CTNNA2: variants seen among roughly 807,000 people sequenced by gnomAD.
CTNNA2 encodes the protein catenin alpha-2.
Under a neutral mutation model 101.0 loss-of-function variants are expected in CTNNA2, and 42 were observed. The ratio of observed to expected loss-of-function variants is 0.42; its 90% CI spans 0.32 to 0.54. CTNNA2 has a LOEUF of 0.54. Ranked by LOEUF, CTNNA2 falls within the 20% of genes least tolerant of loss-of-function variation. The probability of loss-of-function intolerance (pLI) is 0.14; values close to 1 mark genes in which losing one functional copy is unlikely to be tolerated. For missense variants in CTNNA2, 871 were observed against 1,223.1 expected (o/e 0.71, Z 4.29); for synonymous variants, 450 against 456.4 (o/e 0.99, Z 0.18).
chr2:79,613,160 C>G (rs1338541009), intron 1 of CTNNA2, among the ~76,000 whole-genome samples: 1 of 76,906 alleles, frequency 1.3e-5, no homozygotes, highest in Non-Finnish European at 3.2e-5. Flanking sequence ...GTTTAACGTT[C>G]AGAGCAAAAA....
At chr2:79,843,413 T>G (rs1679974085) in intron 3 of CTNNA2, among the ~76,000 whole-genome samples, 1 of 152,244 alleles carries the variant, frequency 6.6e-6, no homozygotes, top group Admixed American at 6.5e-5. Context: ...TCTATGTTAA[T>G]ATAGCAGCCT....
At chr2:79,367,791 G>A (rs1289041839) in intron 3 of CTNNA2, among the ~76,000 whole-genome samples, 1 of 152,110 alleles carries the variant, frequency 6.6e-6, no homozygotes, top group East Asian at 1.9e-4. Context: ...CTGATATTAG[G>A]CAGTTTCTAA....
intron 7 of CTNNA2, among the ~76,000 whole-genome samples, chr2:80,227,723 A>G (rs1477931168): frequency 1.3e-5 from 2 of 152,320 alleles, no homozygotes; most frequent in East Asian, 3.9e-4. Flanking sequence ...ACAGATGTCA[A>G]CCAGATTGAC....
chr2:79,906,875 C>T (rs1033832752), intron 6 of CTNNA2, among the ~76,000 whole-genome samples: 7 of 152,170 alleles, frequency 4.6e-5, no homozygotes, highest in East Asian at 1.9e-4. Flanking sequence ...GTAGGTCATG[C>T]GGTATTTCCA....
intron 18 of CTNNA2, among the ~76,000 whole-genome samples, chr2:80,643,924 A>G (rs955685476): frequency 6.6e-6 from 1 of 152,176 alleles, no homozygotes; most frequent in African/African-American, 2.4e-5. Flanking sequence ...TAAGAATCAC[A>G]GATTGTGAGA....
intron 7 of CTNNA2, among the ~76,000 whole-genome samples, chr2:79,961,711 A>T (rs1343941518): frequency 6.6e-6 from 1 of 150,574 alleles, no homozygotes; most frequent in Non-Finnish European, 1.5e-5. Context: ...AGTCCCAGCT[A>T]CTCGGGAGGC....
At chr2:79,654,109 T>C (rs1380624632) in intron 2 of CTNNA2, among the ~76,000 whole-genome samples, 1 of 152,158 alleles carries the variant, frequency 6.6e-6, no homozygotes, top group Non-Finnish European at 1.5e-5. Context: ...TTTAACCAAA[T>C]CTTTATTTTT....
chr2:79,720,828 G>GT (rs1195054294), intron 2 of CTNNA2, among the ~76,000 whole-genome samples: 1 of 152,070 alleles, frequency 6.6e-6, no homozygotes, highest in Non-Finnish European at 1.5e-5. Context: ...AGGGAAGATA[G>GT]TTTTATTTCT....
At chr2:80,366,331 A>G (rs1202226749) in intron 7 of CTNNA2, among the ~76,000 whole-genome samples, 1 of 152,132 alleles carries the variant, frequency 6.6e-6, no homozygotes, top group Non-Finnish European at 1.5e-5. Flanking sequence ...ATCAAGTTAA[A>G]CAGATTTCTT....
rs115031068 is a variant in CTNNA2 at position 80,027,092 on chromosome 2, G to A, written c.1056+117295G>A. Among the ~76,000 whole-genome samples, 304 of 152,288 alleles carry A rather than the reference G, an allele frequency of 2.0e-3. 1 individual carries two copies. Among genetic ancestry groups the A allele is most frequent in the African/African-American group, 6.8e-3 (284 of 41,562 alleles). On this transcript the variant is annotated intron_variant, in intron 7 of 18. Coordinates refer to ENST00000402739, the MANE Select transcript of CTNNA2 (RefSeq NM_001282597.3). ...TTCAGAGAAAGATAAGTGATATAAA[G>A]ACAATCAAAGCACAGTGATGAATCA...
intron 3 of CTNNA2, among the ~76,000 whole-genome samples, chr2:79,758,378 G>A (rs1224234352): frequency 6.6e-6 from 1 of 152,156 alleles, no homozygotes; most frequent in Admixed American, 6.5e-5. Flanking sequence ...GGACCTCTCA[G>A]AAACCAAGGC....
intron 7 of CTNNA2, among the ~76,000 whole-genome samples, chr2:79,956,276 T>G (rs2104512187): frequency 6.6e-6 from 1 of 152,262 alleles, no homozygotes; most frequent in East Asian, 1.9e-4. Context: ...TTTCTGCTTG[T>G]GTTTTATGAT....
chr2:80,490,986 T>C (rs1687018877), intron 9 of CTNNA2, among the ~76,000 whole-genome samples: 2 of 152,232 alleles, frequency 1.3e-5, no homozygotes. Context: ...ATTTGATAAA[T>C]TGTTTCTGAA....
At chr2:79,372,928 C>T (rs1178579055) in intron 3 of CTNNA2, among the ~76,000 whole-genome samples, 3 of 152,106 alleles carry the variant, frequency 2.0e-5, no homozygotes, top group Non-Finnish European at 4.4e-5. Context: ...ATGGTTTCTT[C>T]AGAAGACAAA....
At chr2:79,591,928 AAATTGACTG>A (rs1676882324) in intron 1 of CTNNA2, among the ~76,000 whole-genome samples, 1 of 102,368 alleles carries the variant, frequency 9.8e-6, no homozygotes, top group Non-Finnish European at 2.0e-5. Flanking sequence ...TTTTTTTTTG[AAATTGACTG>A]CTTTGTCTTT....
At chr2:79,680,470 T>A (rs1683488889) in intron 2 of CTNNA2, among the ~76,000 whole-genome samples, 1 of 152,098 alleles carries the variant, frequency 6.6e-6, no homozygotes, top group African/African-American at 2.4e-5. Context: ...GTCAAAAAAA[T>A]GTGTGATAGA....
intron 2 of CTNNA2, among the ~76,000 whole-genome samples, chr2:79,236,147 A>T (rs1325090512): frequency 6.6e-6 from 1 of 152,148 alleles, no homozygotes; most frequent in African/African-American, 2.4e-5. Flanking sequence ...CTGCCTGCTT[A>T]TGAGAAATGG....
intron 1 of CTNNA2, among the ~76,000 whole-genome samples, chr2:79,536,914 C>T (rs1272351516): frequency 6.6e-6 from 1 of 152,040 alleles, no homozygotes; most frequent in Admixed American, 6.6e-5. Flanking sequence ...GTTGCCCAGG[C>T]TGGGCTCGAA....
At chr2:79,678,548 A>G (rs1249506255) in intron 2 of CTNNA2, among the ~76,000 whole-genome samples, 2 of 151,552 alleles carry the variant, frequency 1.3e-5, no homozygotes, top group Admixed American at 6.6e-5. Flanking sequence ...CAAACAAAAA[A>G]AAAAAAAAAG....
Sources: gnomAD v4.1 joint callset for allele counts (sites outside exome capture counted in the v4.1 genomes callset) on GRCh38, gnomAD v4.1.1 for gene constraint, MANE v1.5 for transcripts, NCBI Gene and HGNC (gene_info 2026-07-23, HGNC 2026-07-21) for gene names.